Variants in GPC5 observed in about 807,000 individuals in gnomAD.
The protein encoded by GPC5 is glypican-5.
A neutral mutation model predicts 53.9 loss-of-function variants in GPC5; 47 were observed. The observed-to-expected ratio is 0.87, with a 90% confidence interval of 0.69 to 1.11. The LOEUF is 1.11. GPC5 is among the 50% of genes most tolerant of loss of function. The pLI, the probability that GPC5 is intolerant of heterozygous loss-of-function variation, is 0.00. For missense variants in GPC5, 748 were observed against 713.1 expected (o/e 1.05, Z -0.56); for synonymous variants, 286 against 263.3 (o/e 1.09, Z -0.84).
At chr13:91,690,057 A>T (rs778446210) in intron 2 of GPC5, among the ~76,000 whole-genome samples, 1 of 152,222 alleles carries the variant, frequency 6.6e-6, no homozygotes, top group Non-Finnish European at 1.5e-5. Context: ...CTATGATGTT[A>T]TGATGGCTAT....
intron 7 of GPC5, among the ~76,000 whole-genome samples, chr13:92,435,170 G>A (rs774063304): frequency 2.6e-5 from 4 of 152,044 alleles, no homozygotes; most frequent in Admixed American, 6.6e-5. Context: ...CCACCTTGGC[G>A]TCCCAAAGTA....
At chr13:92,250,307 C>A (rs1236302335) in intron 7 of GPC5, among the ~76,000 whole-genome samples, 1 of 152,154 alleles carries the variant, frequency 6.6e-6, no homozygotes, top group African/African-American at 2.4e-5. Context: ...ATACGTGCAA[C>A]TTTCACATGC....
intron 3 of GPC5, among the ~76,000 whole-genome samples, chr13:91,713,838 A>G (rs572024018): frequency 6.6e-6 from 1 of 152,308 alleles, no homozygotes; most frequent in African/African-American, 2.4e-5. Flanking sequence ...TAACCTAAAT[A>G]TGTCTCAAAT....
At chr13:91,444,112 A>G (rs1361828492) in intron 1 of GPC5, among the ~76,000 whole-genome samples, 1 of 151,942 alleles carries the variant, frequency 6.6e-6, no homozygotes, top group Non-Finnish European at 1.5e-5. Context: ...TTGATTTTTC[A>G]AAATTTTTAT....
intron 7 of GPC5, among the ~76,000 whole-genome samples, chr13:92,755,761 T>C (rs1259610644): frequency 1.5e-5 from 2 of 137,456 alleles, no homozygotes; most frequent in South Asian, 5.3e-4. Flanking sequence ...ACACATACAC[T>C]CTCCCAAGAC....
intron 7 of GPC5, among the ~76,000 whole-genome samples, chr13:92,180,289 C>T (rs2042137340): frequency 6.6e-6 from 1 of 152,108 alleles, no homozygotes; most frequent in South Asian, 2.1e-4. Context: ...TGGGTTTCTG[C>T]ACAAGAAATT....
intron 7 of GPC5, among the ~76,000 whole-genome samples, chr13:92,176,017 C>T (rs1380823815): frequency 6.6e-6 from 1 of 152,114 alleles, no homozygotes; most frequent in African/African-American, 2.4e-5. Flanking sequence ...CATGCTTTAC[C>T]ATTATCATGA....
At chr13:91,634,310 T>A (rs2034232379) in intron 2 of GPC5, among the ~76,000 whole-genome samples, 1 of 152,060 alleles carries the variant, frequency 6.6e-6, no homozygotes, top group Non-Finnish European at 1.5e-5. Flanking sequence ...TGACAACTGG[T>A]CTTTGAAGTT....
At chr13:92,486,916 C>T (rs948993876) in intron 7 of GPC5, among the ~76,000 whole-genome samples, 4 of 151,084 alleles carry the variant, frequency 2.6e-5, no homozygotes, top group African/African-American at 4.9e-5. Flanking sequence ...AGTGCAGAGG[C>T]GTTATCTCGG....
At chr13:91,456,512 G>T (rs1275845464) in intron 2 of GPC5, among the ~76,000 whole-genome samples, 1 of 151,702 alleles carries the variant, frequency 6.6e-6, no homozygotes, top group African/African-American at 2.4e-5. Flanking sequence ...AAAATATATT[G>T]TATTTAAATG....
chr13:91,494,295 G>T (rs1884116260), intron 2 of GPC5, among the ~76,000 whole-genome samples: 1 of 150,908 alleles, frequency 6.6e-6, no homozygotes, highest in South Asian at 2.1e-4. Flanking sequence ...TAAGCAAATT[G>T]TTCCAGGAAT....
At chr13:91,423,799 A>C (rs1478211559) in intron 1 of GPC5, among the ~76,000 whole-genome samples, 1 of 152,250 alleles carries the variant, frequency 6.6e-6, no homozygotes, top group Non-Finnish European at 1.5e-5. Context: ...TTATTCCACA[A>C]TGTATACAGG....
At chr13:92,353,803 G>A (rs1301357037) in intron 7 of GPC5, among the ~76,000 whole-genome samples, 2 of 152,020 alleles carry the variant, frequency 1.3e-5, no homozygotes, top group African/African-American at 4.8e-5. Flanking sequence ...TAAACATCTG[G>A]TAATAAATGA....
intron 7 of GPC5, among the ~76,000 whole-genome samples, chr13:92,285,388 T>G (rs1204540835): frequency 6.6e-6 from 1 of 152,156 alleles, no homozygotes; most frequent in Admixed American, 6.5e-5. Context: ...TGGAAAAAAC[T>G]ACTTTAAAGT....
chr13:91,966,708 A>C (rs2139084375), intron 6 of GPC5, among the ~76,000 whole-genome samples: 1 of 152,314 alleles, frequency 6.6e-6, no homozygotes, highest in African/African-American at 2.4e-5. Flanking sequence ...AGTTGATGAA[A>C]TGCATTCATG....
Position 92,816,989 on chromosome 13 carries a change from C to T in GPC5, c.1562-49293C>T, listed in dbSNP as rs1340097345. On this transcript the variant is annotated intron_variant, in intron 7 of 7. Coordinates refer to ENST00000377067, the MANE Select transcript of GPC5 (RefSeq NM_004466.6). ...GTTCTCTAAATCAGTTGCCCACTCCCGGTCTAGAAACCTATAACCAAAAAT... is the reference window on the plus strand; with the variant it reads ...GTTCTCTAAATCAGTTGCCCACTCCTGGTCTAGAAACCTATAACCAAAAAT... 2.6e-5 allele frequency among the ~76,000 whole-genome samples: 4 copies of T among 151,908 alleles called. No individual in the cohort carries two copies. The South Asian group carries it at 6.2e-4, about 24-fold the overall frequency.
chr13:92,456,250 C>T (rs1878264661), intron 7 of GPC5, among the ~76,000 whole-genome samples: 1 of 152,120 alleles, frequency 6.6e-6, no homozygotes, highest in South Asian at 2.1e-4. Context: ...CCTAAAGGAG[C>T]ACTTGCTCTT....
At chr13:91,791,949 T>C (rs2037972155) in intron 5 of GPC5, among the ~76,000 whole-genome samples, 2 of 152,244 alleles carry the variant, frequency 1.3e-5, no homozygotes, top group Non-Finnish European at 2.9e-5. Flanking sequence ...AGCTTGATTC[T>C]AATAGTACTT....
At chr13:91,578,310 C>T (rs555717258) in intron 2 of GPC5, among the ~76,000 whole-genome samples, 43 of 152,304 alleles carry the variant, frequency 2.8e-4, no homozygotes, top group African/African-American at 1.0e-3. Context: ...AATTCCTGAT[C>T]CACAAAAGCT....
Sources: allele counts gnomAD v4.1 joint callset (sites outside exome capture counted in the v4.1 genomes callset), GRCh38; gene constraint gnomAD v4.1.1; transcripts MANE v1.5; gene names NCBI Gene and HGNC (gene_info 2026-07-23, HGNC 2026-07-21).